MYPN: variants seen among roughly 807,000 people sequenced by gnomAD.
MYPN encodes the protein sarcomeric protein myopalladin, 145 kDa (MYOP).
MYPN carries 63 observed loss-of-function variants against 129.4 expected under a neutral mutation model. That is an observed-to-expected ratio of 0.49 (90% confidence interval 0.40 to 0.60). The LOEUF (loss-of-function observed/expected upper bound fraction) is 0.60. Ranked by LOEUF, MYPN falls within the 20% of genes least tolerant of loss-of-function variation. MYPN has a pLI of 0.00. For missense variants in MYPN, 1,596 were observed against 1,635.4 expected (o/e 0.98, Z 0.42); for synonymous variants, 629 against 600.9 (o/e 1.05, Z -0.68).
chr10:68,115,029 C>T (rs776034383), intron 1 of MYPN, among the ~76,000 whole-genome samples: 5 of 152,072 alleles, frequency 3.3e-5, no homozygotes, highest in Non-Finnish European at 5.9e-5. Flanking sequence ...GAGGCTGAGG[C>T]AGGTGGATTA....
intron 16 of MYPN, among the ~76,000 whole-genome samples, chr10:68,197,946 T>A (rs1283313904): frequency 1.3e-5 from 2 of 152,116 alleles, no homozygotes; most frequent in African/African-American, 4.8e-5. Flanking sequence ...TTCATACCCA[T>A]GGGTAGGATG....
At chr10:68,165,593 T>C in intron 8 of MYPN, 109 bp from the exon 9 acceptor site, 1 of 872,562 alleles carries the variant, frequency 1.1e-6, no homozygotes, top group African/African-American at 1.6e-5. Flanking sequence ...AGAATTAATA[T>C]AGCCAGCTTT....
intron 1 of MYPN, among the ~76,000 whole-genome samples, chr10:68,088,298 AAG>A (rs1262813696): frequency 2.0e-5 from 3 of 152,276 alleles, no homozygotes; most frequent in African/African-American, 7.2e-5. Flanking sequence ...GGAATGATGA[AAG>A]GGCATTGCCA....
Position 68,166,418 on chromosome 10 carries a change from A to G in MYPN, c.1725A>G (p.Lys575=), listed in dbSNP as rs143213775. The change falls in exon 10 of 20, where the codon AAA becomes AAG. Residue 575 remains lysine (K), a synonymous_variant. Coordinates refer to ENST00000358913, the MANE Select transcript of MYPN (RefSeq NM_032578.4). ...SEPPSVEQPP[K]PKLEGVLVNH... The stretch of plus-strand genomic sequence containing the variant: ...CTCCATCTGTGGAACAACCCCCCAA[A>G]CCCAAACTCGAGGGGGTTCTGGTGA... 1.2e-4 allele frequency: 193 copies of G among 1,613,730 alleles called. 1 individual carries two copies. Among genetic ancestry groups the G allele is most frequent in the Middle Eastern group, 1.7e-4 (1 of 6,060 alleles).
intron 12 of MYPN, among the ~76,000 whole-genome samples, chr10:68,181,716 ACACT>A (rs2043315907): frequency 6.7e-6 from 1 of 149,970 alleles, no homozygotes; most frequent in Non-Finnish European, 1.5e-5. Context: ...CTGCCCTGAC[ACACT>A]GTCAAGGCAG....
Position 68,174,520 on chromosome 10 carries a change from C to T in MYPN, c.2428C>T (p.Arg810Cys), listed in dbSNP as rs369380120. 4.2e-5 allele frequency: 68 copies of T among 1,613,968 alleles called. No individual in the cohort carries two copies. The highest frequency in any genetic ancestry group is 6.7e-5 in the African/African-American group (5 of 74,914). The change falls in exon 11 of 20, where the codon CGC becomes TGC. Residue 810 changes from arginine to cysteine, a missense_variant. Arg to Cys is a radical substitution (Grantham distance 180, BLOSUM62 -3). Transcript: ENST00000358913. ...SIPSGNQFQP[R>C]CVSPIPVSPT... is the part of the protein sequence containing the mutation. The stretch of plus-strand genomic sequence containing the variant: ...CCCCAGCGGAAACCAGTTTCAGCCC[C>T]GCTGTGTGTCCCCAATTCCTGTCTC...
intron 1 of MYPN, among the ~76,000 whole-genome samples, chr10:68,111,310 T>C (rs997641705): frequency 6.6e-6 from 1 of 152,228 alleles, no homozygotes; most frequent in Non-Finnish European, 1.5e-5. Context: ...CAACAGTTAG[T>C]TCCTACACGT....
intron 16 of MYPN, 95 bp from the exon 17 acceptor site, chr10:68,199,273 T>C: frequency 8.2e-7 from 1 of 1,224,098 alleles, no homozygotes; most frequent in Non-Finnish European, 1.2e-6. Flanking sequence ...TTTCTCTCAC[T>C]GTCTGTTTGG....
rs1248850055 is a variant in MYPN at position 68,121,885 on chromosome 10, A to G, written c.447A>G (p.Val149=). The change falls in exon 2 of 20, where the codon GTA becomes GTG. Residue 149 remains valine, a synonymous_variant. Transcript: ENST00000358913. Reference sequence around the variant, plus strand: ...GTTCTGAAACCCAGTCCAAAAAAGTATTTTTAAATAAGGCTGCCGACTTCA... The same window carrying G: ...GTTCTGAAACCCAGTCCAAAAAAGTGTTTTTAAATAAGGCTGCCGACTTCA... The part of the protein sequence containing the change: ...QYCSETQSKK[V]FLNKAADFIE... The G allele has an allele frequency of 3.1e-6, 5 of 1,614,050 alleles. No individual in the cohort carries two copies. Among genetic ancestry groups the G allele is most frequent in the Admixed American group, 1.7e-5 (1 of 59,992 alleles).
intron 1 of MYPN, chr10:68,114,438 T>A (rs1413151915): frequency 6.6e-6 from 1 of 150,946 alleles, no homozygotes; most frequent in Non-Finnish European, 1.5e-5. Context: ...AACTTTTGCC[T>A]CCTAGGTTCA....
intron 12 of MYPN, among the ~76,000 whole-genome samples, chr10:68,181,438 C>T (rs1456143007): frequency 2.6e-5 from 4 of 152,022 alleles, no homozygotes; most frequent in East Asian, 1.9e-4. Flanking sequence ...TGCAGGTGCT[C>T]GCCACCATGC....
intron 1 of MYPN, among the ~76,000 whole-genome samples, chr10:68,119,755 C>T (rs1439122974): frequency 1.3e-5 from 2 of 152,180 alleles, no homozygotes; most frequent in Non-Finnish European, 2.9e-5. Flanking sequence ...GCATCATAGA[C>T]TTCATCCAAA....
chr10:68,206,689 C>T lies in MYPN; in HGVS notation c.3660-81C>T, dbSNP rs534264987. The T allele has an allele frequency of 4.3e-4, 679 of 1,593,820 alleles. 4 individuals carry two copies. The African/African-American group carries it at 8.7e-3, about 20-fold the overall frequency. On this transcript the variant is annotated intron_variant, in intron 18 of 19. Transcript: ENST00000358913. The stretch of plus-strand genomic sequence containing the variant: ...GATGTCTGCCTTAAGCTGAGTTCCC[C>T]CTTCTTCCTGGAACCCTAAATTTGA...
chr10:68,144,254 C>T (rs1440591061), intron 3 of MYPN, among the ~76,000 whole-genome samples: 1 of 152,158 alleles, frequency 6.6e-6, no homozygotes, highest in Non-Finnish European at 1.5e-5. Context: ...ATCTTATCCT[C>T]TGAATTTTGT....
At chr10:68,142,697 A>G (rs1427617110) in intron 2 of MYPN, among the ~76,000 whole-genome samples, 1 of 152,174 alleles carries the variant, frequency 6.6e-6, no homozygotes, top group Non-Finnish European at 1.5e-5. Flanking sequence ...CTTTCTCACC[A>G]GTTTTCTCAG....
chr10:68,206,999 T>G lies in MYPN; in HGVS notation c.3793+96T>G, dbSNP rs1379925309. On this transcript the variant is annotated intron_variant, in intron 19 of 19. Transcript: ENST00000358913. ...TGGGTCAGGCAAGGTGGCTCATGCC[T>G]GTAATCCCAGCACTTTGGGAGGCCG... The G allele has an allele frequency of 2.7e-6, 4 of 1,488,320 alleles. No homozygotes were observed. In the East Asian group the frequency reaches 1.0e-4, roughly 37 times the overall value. The allele number at this position is 1,488,320 out of a possible 1,614,324, so 92.2% of individuals were successfully genotyped here. A position where few individuals can be genotyped will look rare whatever the true frequency, so the allele number is the denominator to read the frequency against.
At chr10:68,208,414 G>C (rs1260084582) in intron 19 of MYPN, among the ~76,000 whole-genome samples, 1 of 152,138 alleles carries the variant, frequency 6.6e-6, no homozygotes, top group East Asian at 1.9e-4. Context: ...CCTAGGACTT[G>C]AGAAGAGATT....
chr10:68,102,765 A>T (rs983868955), upstream of MYPN, among the ~76,000 whole-genome samples: 1 of 152,202 alleles, frequency 6.6e-6, no homozygotes, highest in Non-Finnish European at 1.5e-5. Flanking sequence ...ATTAAAAAAA[A>T]GAAAATTTGC....
At chr10:68,190,095 A>C (rs1489564656) in intron 13 of MYPN, among the ~76,000 whole-genome samples, 1 of 151,408 alleles carries the variant, frequency 6.6e-6, no homozygotes, top group African/African-American at 2.4e-5. Context: ...TTGGGGTTTG[A>C]TTTGCATTTT....
Sources: allele counts gnomAD v4.1 joint callset (sites outside exome capture counted in the v4.1 genomes callset), GRCh38; gene constraint gnomAD v4.1.1; transcripts MANE v1.5; gene names NCBI Gene and HGNC (gene_info 2026-07-23, HGNC 2026-07-21).